Variants in KCNH5 observed in about 807,000 individuals in gnomAD.
The protein encoded by KCNH5 is voltage-gated delayed rectifier potassium channel KCNH5.
In KCNH5, 46 loss-of-function variants were observed where a neutral mutation model predicts 96.1. The observed-to-expected ratio is 0.48, with a 90% confidence interval of 0.38 to 0.61. KCNH5 has a LOEUF of 0.61. Ranked by LOEUF, KCNH5 falls within the 20% of genes least tolerant of loss-of-function variation. The pLI is 0.00. For synonymous variants in KCNH5, 439 were observed against 449.8 expected (o/e 0.98, Z 0.30); for missense variants, 907 against 1,225.8 (o/e 0.74, Z 3.88).
chr14:62,925,169 T>C (rs1889450072), intron 7 of KCNH5, among the ~76,000 whole-genome samples: 1 of 151,924 alleles, frequency 6.6e-6, no homozygotes, highest in African/African-American at 2.4e-5. Flanking sequence ...AGACCACATT[T>C]TGTTGGTTAA....
chr14:63,035,881 C>A (rs1891712482), intron 1 of KCNH5, among the ~76,000 whole-genome samples: 1 of 152,222 alleles, frequency 6.6e-6, no homozygotes, highest in Non-Finnish European at 1.5e-5. Context: ...ATCTTCTGAG[C>A]AACCCTGTAA....
At chr14:63,003,625 T>TATATATATATATA (rs1491255743) in intron 3 of KCNH5, among the ~76,000 whole-genome samples, 1 of 103,764 alleles carries the variant, frequency 9.6e-6, no homozygotes, top group African/African-American at 4.5e-5. Context: ...TATATATATA[T>TATATATATATATA]TTTTTTTTTT....
In KCNH5 at chr14:62,981,263, A is replaced by C; in HGVS notation, c.551T>G (p.Val184Gly). ...VVHKHSRLAE[V>G]LQLGSDILPQ... The stretch of plus-strand genomic sequence containing the variant: ...AAGGATATCTGATCCCAGCTGAAGA[A>C]CCTAAAAGAGAGAAAATGTATTTAT... Residue 184 changes from valine to glycine, a missense_variant and splice_region_variant, in exon 6 of 11, where the codon GTT becomes GGT. Val to Gly is a moderately radical substitution (Grantham distance 109, BLOSUM62 -3). Transcript: ENST00000322893. The C allele has an allele frequency of 6.2e-7, 1 of 1,613,814 alleles. No homozygotes were observed. The highest frequency in any genetic ancestry group is 8.5e-7 in the Non-Finnish European group (1 of 1,179,902).
At chr14:63,017,696 G>A (rs1891351874) in intron 1 of KCNH5, among the ~76,000 whole-genome samples, 1 of 150,964 alleles carries the variant, frequency 6.6e-6, no homozygotes, top group Non-Finnish European at 1.5e-5. Flanking sequence ...ACATTAAAAT[G>A]AATTAAAATT....
chr14:62,984,802 A>G (rs540423325), intron 5 of KCNH5, among the ~76,000 whole-genome samples: 25 of 152,264 alleles, frequency 1.6e-4, no homozygotes, highest in African/African-American at 5.1e-4. Flanking sequence ...TACGTTTCTC[A>G]AAAATAAAAA....
At chr14:62,828,042 C>A (rs563210309) in intron 8 of KCNH5, among the ~76,000 whole-genome samples, 1 of 152,118 alleles carries the variant, frequency 6.6e-6, no homozygotes, top group East Asian at 1.9e-4. Context: ...AATGTGGGCA[C>A]CTTATAAATG....
chr14:62,727,804 A>C lies in KCNH5; in HGVS notation c.2020-19349T>G, dbSNP rs1409185544. ...AAAAAAAAAAAAAAGCAGGAGACTT[A>C]TAAGCAGGTAATTTTAACATACTGT... On this transcript the variant is annotated intron_variant, in intron 10 of 10. Transcript: ENST00000322893. Among the ~76,000 whole-genome samples, 4 of 151,092 alleles carry C rather than the reference A, an allele frequency of 2.6e-5. No homozygotes were observed. The East Asian group carries it at 7.8e-4, about 30-fold the overall frequency.
At chr14:62,829,521 G>A (rs144071405) in intron 8 of KCNH5, among the ~76,000 whole-genome samples, 108 of 152,302 alleles carry the variant, frequency 7.1e-4, no homozygotes, top group African/African-American at 2.5e-3. Flanking sequence ...AGTCACCAAC[G>A]CTTGGGGCTT....
chr14:62,976,703 C>T (rs1566727975), intron 6 of KCNH5, among the ~76,000 whole-genome samples: 1 of 152,082 alleles, frequency 6.6e-6, no homozygotes, highest in African/African-American at 2.4e-5. Context: ...TGTAAAGGAA[C>T]AGAAATCGTA....
chr14:62,964,418 A>G (rs1408756659), intron 6 of KCNH5, among the ~76,000 whole-genome samples: 1 of 151,912 alleles, frequency 6.6e-6, no homozygotes, highest in African/African-American at 2.4e-5. Flanking sequence ...TCTATATCCT[A>G]TTGCCCCTGT....
chr14:62,966,986 A>C (rs76260292), intron 6 of KCNH5, among the ~76,000 whole-genome samples: 2,431 of 152,122 alleles, frequency 0.016, 59 homozygotes, highest in African/African-American at 0.056. Context: ...AATAAATTCA[A>C]CTCAGCTTTG....
At chr14:62,747,982 A>G (rs898918284) in intron 10 of KCNH5, among the ~76,000 whole-genome samples, 7 of 152,218 alleles carry the variant, frequency 4.6e-5, no homozygotes, top group African/African-American at 1.7e-4. Context: ...GCATTGCTGT[A>G]TATGAAATTC....
intron 6 of KCNH5, among the ~76,000 whole-genome samples, chr14:62,972,754 T>C (rs1205383967): frequency 1.3e-5 from 2 of 151,666 alleles, no homozygotes; most frequent in Non-Finnish European, 2.9e-5. Flanking sequence ...AAGAAGCCAA[T>C]ATGAAAAAGC....
intron 4 of KCNH5, among the ~76,000 whole-genome samples, chr14:62,993,959 G>T (rs904238036): frequency 5.9e-5 from 9 of 152,016 alleles, no homozygotes; most frequent in African/African-American, 2.2e-4. Context: ...TCTCCTAAAA[G>T]CTCAGGATGC....
intron 7 of KCNH5, among the ~76,000 whole-genome samples, chr14:62,867,167 G>C (rs138551886): frequency 6.6e-6 from 1 of 152,254 alleles, no homozygotes; most frequent in African/African-American, 2.4e-5. Flanking sequence ...GCAGAGCCCC[G>C]TCATGTGGCC....
intron 7 of KCNH5, among the ~76,000 whole-genome samples, chr14:62,886,502 T>G (rs974207282): frequency 3.3e-5 from 5 of 152,180 alleles, no homozygotes; most frequent in African/African-American, 1.2e-4. Context: ...AGGAGTGGGG[T>G]GTGCATGTGT....
intron 10 of KCNH5, among the ~76,000 whole-genome samples, chr14:62,731,967 G>A (rs74625425): frequency 0.035 from 5,333 of 152,226 alleles, 236 homozygotes; most frequent in African/African-American, 0.11. Context: ...AAGGGCACAT[G>A]TGATCGTGTA....
intron 8 of KCNH5, 52 bp downstream of exon 8, chr14:62,849,601 T>C: frequency 6.8e-7 from 1 of 1,464,196 alleles, no homozygotes; most frequent in Non-Finnish European, 9.5e-7. Flanking sequence ...GCTTAATGCA[T>C]CTGAAGATCC....
In KCNH5 at chr14:62,965,860, T is replaced by A. The variant is rs1211451418; in HGVS notation, c.942+15012A>T. ...GATGTCATTAAATAGATGTTCTTTT[T>A]TAAAACTTGTTAGATTTCAATATTG... On this transcript the variant is annotated intron_variant, in intron 6 of 10. Transcript: ENST00000322893. Among the ~76,000 whole-genome samples the A allele has an allele frequency of 3.3e-5, 5 of 152,164 alleles. No individual in the cohort carries two copies. The East Asian group carries it at 9.6e-4, about 29-fold the overall frequency.
Sources: gnomAD v4.1 joint callset for allele counts (sites outside exome capture counted in the v4.1 genomes callset) on GRCh38, gnomAD v4.1.1 for gene constraint, MANE v1.5 for transcripts, NCBI Gene and HGNC (gene_info 2026-07-23, HGNC 2026-07-21) for gene names.